The following EBF2 variants were observed in gnomAD, a reference collection of about 807,000 sequenced individuals.
The protein encoded by EBF2 is transcription factor COE2.
A neutral mutation model predicts 72.8 loss-of-function variants in EBF2; 21 were observed. That is an observed-to-expected ratio of 0.29 (90% CI 0.20 to 0.42). The LOEUF is 0.42. Among genes scored for constraint, EBF2 ranks in the 10% least tolerant of loss-of-function variants. The pLI is 1.00. For synonymous variants in EBF2, 299 were observed against 274.2 expected (o/e 1.09, Z -0.89); for missense variants, 637 against 731.2 (o/e 0.87, Z 1.49).
At chr8:25,936,443 G>A (rs1201652164) in intron 6 of EBF2, among the ~76,000 whole-genome samples, 2 of 152,132 alleles carry the variant, frequency 1.3e-5, no homozygotes, top group African/African-American at 4.8e-5. Context: ...GAAATTATGT[G>A]AGCCACAGGA....
chr8:25,982,019 CA>C (rs562566366), intron 6 of EBF2, among the ~76,000 whole-genome samples: 99 of 152,204 alleles, frequency 6.5e-4, no homozygotes, highest in Non-Finnish European at 1.2e-3. Flanking sequence ...CTAAGTTTTA[CA>C]AAAGGTACCT....
chr8:26,040,203 A>G, intron 4 of EBF2, 102 bp from the exon 5 acceptor site: 2 of 1,244,646 alleles, frequency 1.6e-6, no homozygotes, highest in Non-Finnish European at 2.3e-6. Flanking sequence ...CCCTCCCACT[A>G]CCTGCCACCG....
At chr8:25,967,977 C>G (rs180887627) in intron 6 of EBF2, among the ~76,000 whole-genome samples, 178 of 152,278 alleles carry the variant, frequency 1.2e-3, no homozygotes, top group Non-Finnish European at 2.1e-3. Context: ...ACAATATGTA[C>G]TCAAGAGTTT....
chr8:25,905,210 G>T (rs1423268373), intron 7 of EBF2, among the ~76,000 whole-genome samples: 1 of 152,146 alleles, frequency 6.6e-6, no homozygotes, highest in Non-Finnish European at 1.5e-5. Context: ...GTGTTGGCGA[G>T]GAATTGACAC....
chr8:25,986,000 T>TTAAAAAAAA (rs1804445550), intron 6 of EBF2, among the ~76,000 whole-genome samples: 1 of 2,520 alleles, frequency 4.0e-4, no homozygotes, highest in African/African-American at 1.6e-3. Flanking sequence ...AAACTCTGTC[T>TTAAAAAAAA]CAAAAAAAAA....
intron 7 of EBF2, among the ~76,000 whole-genome samples, chr8:25,898,761 A>C (rs1327768128): frequency 1.3e-5 from 2 of 152,146 alleles, no homozygotes; most frequent in African/African-American, 4.8e-5. Context: ...GACAACCTGA[A>C]TCACCTGTGG....
At chr8:26,038,883 A>G (rs942291413) in intron 5 of EBF2, among the ~76,000 whole-genome samples, 3 of 152,236 alleles carry the variant, frequency 2.0e-5, no homozygotes, top group African/African-American at 2.4e-5. Context: ...ACAGGGCTTC[A>G]GGGAGCTGCC....
At chr8:25,915,675 C>T (rs373618294) in intron 6 of EBF2, among the ~76,000 whole-genome samples, 3 of 147,568 alleles carry the variant, frequency 2.0e-5, no homozygotes, top group African/African-American at 7.5e-5. Flanking sequence ...TCTATGAAGA[C>T]GATGGGAGGG....
chr8:25,984,061 A>C (rs1372728121), intron 6 of EBF2, among the ~76,000 whole-genome samples: 2 of 152,320 alleles, frequency 1.3e-5, no homozygotes, highest in Admixed American at 1.3e-4. Flanking sequence ...CCAACGTCAA[A>C]GACAGGAAAG....
At chr8:26,013,901 C>T (rs577408756) in intron 6 of EBF2, among the ~76,000 whole-genome samples, 5 of 152,274 alleles carry the variant, frequency 3.3e-5, no homozygotes, top group East Asian at 3.9e-4. Flanking sequence ...ATAACACCTT[C>T]CCAAACCATC....
intron 6 of EBF2, among the ~76,000 whole-genome samples, chr8:25,938,792 G>A (rs1474864889): frequency 1.3e-5 from 2 of 152,112 alleles, no homozygotes; most frequent in Non-Finnish European, 2.9e-5. Context: ...GTGATGTGGG[G>A]GGCCTCAATT....
At chr8:25,933,339 G>T (rs1803515144) in intron 6 of EBF2, among the ~76,000 whole-genome samples, 1 of 152,194 alleles carries the variant, frequency 6.6e-6, no homozygotes, top group Non-Finnish European at 1.5e-5. Context: ...AAAGCATTAA[G>T]AATGGACATA....
At chr8:25,997,621 T>C (rs1022768682) in intron 6 of EBF2, among the ~76,000 whole-genome samples, 2 of 150,728 alleles carry the variant, frequency 1.3e-5, no homozygotes, top group African/African-American at 4.9e-5. Context: ...ACCATCTCCA[T>C]CTGACATGGA....
At chr8:25,954,816 G>A (rs1181115246) in intron 6 of EBF2, among the ~76,000 whole-genome samples, 1 of 152,254 alleles carries the variant, frequency 6.6e-6, no homozygotes, top group African/African-American at 2.4e-5. Flanking sequence ...ATGGCACCCC[G>A]CAGTGCTGGA....
intron 15 of EBF2, among the ~76,000 whole-genome samples, chr8:25,846,380 A>G (rs1801836643): frequency 6.6e-6 from 1 of 152,162 alleles, no homozygotes; most frequent in African/African-American, 2.4e-5. Flanking sequence ...GCTCTCTGGC[A>G]GTGGAATTCT....
At chr8:25,933,700 G>T (rs1803520768) in intron 6 of EBF2, among the ~76,000 whole-genome samples, 1 of 152,064 alleles carries the variant, frequency 6.6e-6, no homozygotes, top group African/African-American at 2.4e-5. Context: ...ATGGATAATT[G>T]ACTATGATAT....
Position 25,850,638 on chromosome 8 carries a change from G to C in EBF2, c.1652C>G (p.Ser551Cys). The C allele has an allele frequency of 1.3e-6, 2 of 1,566,146 alleles. No homozygotes were observed. The highest frequency in any genetic ancestry group is 1.7e-4 in the Middle Eastern group (1 of 5,878). ...GCCGCTGGAGCAGGCAGGTGAAGGGGAGCCTTGGGGCCTGATGACAGGGGC... is the reference window on the plus strand; with the variant it reads ...GCCGCTGGAGCAGGCAGGTGAAGGGCAGCCTTGGGGCCTGATGACAGGGGC... ...AFAPVIRPQG[S>C]PSPACSSGNG... Residue 551 changes from serine to cysteine, a missense_variant, in exon 15 of 16, where the codon TCC becomes TGC. Around this residue, in one of 3 missense-constraint regions of EBF2, gnomAD observed 259 missense variants for 268.1 expected, o/e 0.97. Coordinates refer to ENST00000520164, the MANE Select transcript of EBF2 (RefSeq NM_022659.4).
intron 6 of EBF2, among the ~76,000 whole-genome samples, chr8:26,006,744 C>T (rs998484611): frequency 2.6e-5 from 4 of 152,180 alleles, no homozygotes; most frequent in Admixed American, 1.3e-4. Context: ...CCCCATCCCT[C>T]CTTTTTAAGA....
chr8:25,967,623 C>T (rs1342131120), intron 6 of EBF2, among the ~76,000 whole-genome samples: 1 of 152,218 alleles, frequency 6.6e-6, no homozygotes, highest in Non-Finnish European at 1.5e-5. Context: ...ATGCATATCA[C>T]TTTCACACCA....
Sources: gnomAD v4.1 joint callset for allele counts (sites outside exome capture counted in the v4.1 genomes callset) on GRCh38, gnomAD v4.1.1 for gene constraint, gnomAD v4.1.1 regional missense constraint, MANE v1.5 for transcripts, NCBI Gene and HGNC (gene_info 2026-07-23, HGNC 2026-07-21) for gene names.